Variants in FBXL5 observed in about 807,000 individuals in gnomAD.
FBXL5 encodes the protein F-box and leucine rich repeat protein 5.
Under a neutral mutation model 78.3 loss-of-function variants are expected in FBXL5, and 26 were observed. That is an observed-to-expected ratio of 0.33 (90% confidence interval 0.24 to 0.46). The LOEUF is 0.46. Among genes scored for constraint, FBXL5 ranks in the 20% least tolerant of loss-of-function variants. FBXL5 has a pLI of 1.00. For missense variants in FBXL5, 710 were observed against 829.2 expected, an observed-to-expected ratio of 0.86 and a Z score of 1.77; for synonymous variants, 295 against 282.5, an observed-to-expected ratio of 1.04 and a Z score of -0.45.
chr4:15,654,915 G>A (rs1389831334), intron 1 of FBXL5, among the ~76,000 whole-genome samples: 3 of 152,070 alleles, frequency 2.0e-5, no homozygotes, highest in Non-Finnish European at 4.4e-5. Flanking sequence ...CCGGCCCGAG[G>A]GCGGCCAGTG....
At chr4:15,608,129 T>C (rs2148511333) in intron 10 of FBXL5, among the ~76,000 whole-genome samples, 1 of 152,128 alleles carries the variant, frequency 6.6e-6, no homozygotes, top group East Asian at 1.9e-4. Context: ...TATAGTCCTA[T>C]TTTTTTAAAA....
chr4:15,629,886 A>G (rs1194974670), intron 6 of FBXL5, among the ~76,000 whole-genome samples: 1 of 152,112 alleles, frequency 6.6e-6, no homozygotes, highest in Non-Finnish European at 1.5e-5. Context: ...AAAATTTCCT[A>G]TAGTTTCAGT....
intron 7 of FBXL5, among the ~76,000 whole-genome samples, chr4:15,627,515 G>T (rs950153992): frequency 6.6e-6 from 1 of 152,072 alleles, no homozygotes; most frequent in Non-Finnish European, 1.5e-5. Context: ...GTAGGAAGTC[G>T]TAATATCCAC....
chr4:15,630,779 C>T lies in FBXL5; in HGVS notation c.779G>A (p.Ser260Asn), dbSNP rs773683670. The change falls in exon 6 of 11, where the codon AGT becomes AAT. Residue 260 changes from serine to asparagine, a missense_variant. Around this residue, in one of 4 missense-constraint regions of FBXL5, gnomAD observed 517 missense variants for 542.9 expected, o/e 0.95. Transcript: ENST00000341285. Reference sequence around the variant, plus strand: ...AGTATCAAGTTCAGTTGCGGGACCACTATACCAGTCACCTACTCAATGAAT... The same window carrying T: ...AGTATCAAGTTCAGTTGCGGGACCATTATACCAGTCACCTACTCAATGAAT... ...PVHWARGDWY[S>N]GPATELDTEP... 1.2e-6 allele frequency: 2 copies of T among 1,613,234 alleles called. No individual in the cohort carries two copies.
intron 9 of FBXL5, among the ~76,000 whole-genome samples, chr4:15,617,343 A>T (rs983303542): frequency 2.6e-5 from 4 of 152,038 alleles, no homozygotes; most frequent in Admixed American, 1.3e-4. Context: ...GGAGTTCTGG[A>T]CCAGACTGGG....
At chr4:15,678,789 G>A (rs1264231932) in intron 1 of FBXL5, among the ~76,000 whole-genome samples, 1 of 152,068 alleles carries the variant, frequency 6.6e-6, no homozygotes, top group Non-Finnish European at 1.5e-5. Flanking sequence ...TGTTTGAAAT[G>A]TCACTGTCTT....
At position 15,604,989 on chromosome 4, in the gene FBXL5, A is replaced by G. The variant is rs1721790112; in HGVS notation, c.*734T>C. 1 of 152,408 alleles carries G rather than the reference A, an allele frequency of 6.6e-6. No homozygotes were observed. The highest frequency in any genetic ancestry group is 2.4e-5 in the African/African-American group (1 of 41,476). The allele number at this position is 152,408 out of a possible 1,614,324, so 9.4% of individuals were successfully genotyped here. A position where few individuals can be genotyped will look rare whatever the true frequency, so the allele number is the denominator to read the frequency against. The stretch of plus-strand genomic sequence containing the variant: ...ACCTGGATTGAGATTTATAATAAAA[A>G]TCACAACACAACAGTATTACTTGGT... On this transcript the variant is annotated 3_prime_UTR_variant, in exon 11 of 11. Coordinates refer to ENST00000341285, the MANE Select transcript of FBXL5 (RefSeq NM_012161.4).
upstream of FBXL5, among the ~76,000 whole-genome samples, chr4:15,658,088 A>G (rs1460156241): frequency 6.6e-6 from 1 of 152,212 alleles, no homozygotes; most frequent in Non-Finnish European, 1.5e-5. Flanking sequence ...GGCCTCTTCT[A>G]TAGTAGTTTC....
chr4:15,658,999 T>C (rs368433451), upstream of FBXL5, among the ~76,000 whole-genome samples: 9 of 152,328 alleles, frequency 5.9e-5, no homozygotes, highest in African/African-American at 1.9e-4. Context: ...TTAAACTCAG[T>C]TTCATACTAT....
At position 15,605,716 on chromosome 4, in the gene FBXL5, T is replaced by C; in HGVS notation, c.*7A>G. 1 of 1,612,704 alleles carries C rather than the reference T, an allele frequency of 6.2e-7. No homozygotes were observed. Among genetic ancestry groups the C allele is most frequent in the East Asian group, 2.2e-5 (1 of 44,862 alleles). On this transcript the variant is annotated 3_prime_UTR_variant, in exon 11 of 11. Transcript: ENST00000341285. Reference sequence around the variant, plus strand: ...AAATGAAGTAGACAAAGATCAGAAGTCAAGGGTCATTCGCCAGAGCGGCAG... The same window carrying C: ...AAATGAAGTAGACAAAGATCAGAAGCCAAGGGTCATTCGCCAGAGCGGCAG...
At chr4:15,647,021 G>C (rs1322826712) in intron 1 of FBXL5, among the ~76,000 whole-genome samples, 2 of 151,316 alleles carry the variant, frequency 1.3e-5, no homozygotes, top group Non-Finnish European at 2.9e-5. Flanking sequence ...TCAGGAGTTC[G>C]AGACCAGCCT....
intron 9 of FBXL5, among the ~76,000 whole-genome samples, chr4:15,619,706 G>A (rs1712286124): frequency 6.6e-6 from 1 of 152,188 alleles, no homozygotes; most frequent in Admixed American, 6.5e-5. Context: ...GAAAAGGAAT[G>A]TCAAGGTGGC....
intron 5 of FBXL5, among the ~76,000 whole-genome samples, chr4:15,633,962 CA>C (rs1713957001): frequency 6.6e-6 from 1 of 152,030 alleles, no homozygotes; most frequent in African/African-American, 2.4e-5. Flanking sequence ...ACAATACTGA[CA>C]TTTTGGGCTG....
chr4:15,620,052 G>A (rs543193529), intron 9 of FBXL5, among the ~76,000 whole-genome samples: 18 of 152,138 alleles, frequency 1.2e-4, no homozygotes, highest in Admixed American at 1.0e-3. Flanking sequence ...TTGGACAACA[G>A]AGCAAGACCC....
chr4:15,609,194 T>G (rs1422710971), intron 10 of FBXL5, among the ~76,000 whole-genome samples: 1 of 152,092 alleles, frequency 6.6e-6, no homozygotes, highest in Non-Finnish European at 1.5e-5. Context: ...TCCATCTCGA[T>G]GTAGGACACA....
chr4:15,665,052 C>G (rs1717480755), intron 1 of FBXL5, among the ~76,000 whole-genome samples: 1 of 152,132 alleles, frequency 6.6e-6, no homozygotes, highest in South Asian at 2.1e-4. Context: ...TTCATGTGCT[C>G]AGTCATAAAT....
intron 1 of FBXL5, among the ~76,000 whole-genome samples, chr4:15,645,544 C>G (rs1416665775): frequency 6.6e-6 from 1 of 152,142 alleles, no homozygotes; most frequent in African/African-American, 2.4e-5. Context: ...TATCCTGCCT[C>G]AGCCTCCTGA....
At chr4:15,613,627 ATTT>A (rs1242906098) in intron 9 of FBXL5, among the ~76,000 whole-genome samples, 4 of 151,786 alleles carry the variant, frequency 2.6e-5, no homozygotes, top group Non-Finnish European at 5.9e-5. Context: ...ATTTTATTTT[ATTT>A]TTTATTCTTT....
Position 15,636,528 on chromosome 4 carries a change from A to G in FBXL5, c.732T>C (p.Leu244=). 8 of 1,612,922 alleles carry G rather than the reference A, an allele frequency of 5.0e-6. No individual in the cohort carries two copies. Among genetic ancestry groups the G allele is most frequent in the Non-Finnish European group, 6.8e-6 (8 of 1,179,416 alleles). Residue 244 remains leucine, a synonymous_variant, in exon 5 of 11, where the codon CTT becomes CTC. Transcript: ENST00000341285. ...KWSQLTKTGS[L]WKHLYPVHWA... ...AATGAACAGGGTAAAGATGTTTCCA[A>G]AGCGATCCCGTTTTTGTCAGCTGAG...
Sources: allele counts gnomAD v4.1 joint callset (sites outside exome capture counted in the v4.1 genomes callset), GRCh38; gene constraint gnomAD v4.1.1; regional missense constraint gnomAD v4.1.1; transcripts MANE v1.5; gene names NCBI Gene and HGNC (gene_info 2026-07-23, HGNC 2026-07-21).